Variants in ADRA1A observed in about 807,000 individuals in gnomAD.
ADRA1A encodes alpha-1A adrenergic receptor.
A neutral mutation model predicts 29.6 loss-of-function variants in ADRA1A; 31 were observed. The observed-to-expected ratio is 1.05, with a 90% CI of 0.79 to 1.41. The LOEUF (loss-of-function observed/expected upper bound fraction) is 1.41. Among genes scored for constraint, ADRA1A ranks in the 40% most tolerant of loss-of-function variants. The probability of loss-of-function intolerance (pLI) is 0.00; values close to 1 mark genes in which losing one functional copy is unlikely to be tolerated. For missense variants in ADRA1A, 619 were observed against 601.1 expected (o/e 1.03, Z -0.31); for synonymous variants, 311 against 254.3 (o/e 1.22, Z -2.12).
chr8:26,856,886 C>A (rs757062435), intron 2 of ADRA1A, among the ~76,000 whole-genome samples: 5 of 152,148 alleles, frequency 3.3e-5, no homozygotes, highest in Non-Finnish European at 5.9e-5. Context: ...TTGCATGAAG[C>A]CTGGCATATG....
downstream of ADRA1A, among the ~76,000 whole-genome samples, chr8:26,768,478 G>T (rs1215451458): frequency 6.6e-6 from 1 of 152,112 alleles, no homozygotes; most frequent in Non-Finnish European, 1.5e-5. Flanking sequence ...TCTATAGCTT[G>T]AGCAGCCCTA....
chr8:26,785,690 C>T (rs1308540032), intron 2 of ADRA1A, among the ~76,000 whole-genome samples: 2 of 152,128 alleles, frequency 1.3e-5, no homozygotes, highest in Middle Eastern at 3.2e-3. Flanking sequence ...TCAGTCCTTG[C>T]TTATTTCAGC....
chr8:26,791,122 T>C (rs1216534399), intron 2 of ADRA1A, among the ~76,000 whole-genome samples: 4 of 152,226 alleles, frequency 2.6e-5, no homozygotes, highest in Admixed American at 1.3e-4. Flanking sequence ...TTATGTAATA[T>C]GTCATGAACA....
At position 26,865,133 on chromosome 8, in the gene ADRA1A, C is replaced by A. The variant is rs905184964; in HGVS notation, c.-164G>T. 2.1e-6 allele frequency: 3 copies of A among 1,451,518 alleles called. No homozygotes were observed. The highest frequency in any genetic ancestry group is 2.8e-5 in the Admixed American group (1 of 35,900). 89.9% of individuals were successfully genotyped at this position (1,451,518 alleles called of 1,614,324 possible). ...AGCGCGCGCGCGGGTGGGAAACAAC[C>A]CTGGCCAGCCCTGGGAACCCTCAGA... On this transcript the variant is annotated 5_prime_UTR_variant, in exon 2 of 3. Coordinates refer to ENST00000380573, the MANE Select transcript of ADRA1A (RefSeq NM_000680.4). The surrounding 1 kb of genome is among the most constrained non-coding windows in gnomAD (Gnocchi z 7.6).
intron 2 of ADRA1A, among the ~76,000 whole-genome samples, chr8:26,785,162 C>T (rs146098043): frequency 6.6e-6 from 1 of 152,090 alleles, no homozygotes; most frequent in East Asian, 1.9e-4. Flanking sequence ...ATAAGGTGTA[C>T]ATTAGAAGCA....
chr8:26,769,830 A>G lies in ADRA1A; in HGVS notation c.*319T>C. ...ATTCATGATGAAATCATAATCCTATATTTATAGTCTTTTGGATTGTGCATG... is the reference window on the plus strand; with the variant it reads ...ATTCATGATGAAATCATAATCCTATGTTTATAGTCTTTTGGATTGTGCATG... On this transcript the variant is annotated 3_prime_UTR_variant, in exon 3 of 3. Transcript: ENST00000380573. 9.4e-7 allele frequency: 1 copy of G among 1,069,222 alleles called. No individual in the cohort carries two copies. The highest frequency in any genetic ancestry group is 1.1e-6 in the Non-Finnish European group (1 of 884,864). 66.2% of individuals were successfully genotyped at this position (1,069,222 alleles called of 1,614,324 possible).
Position 26,760,293 on chromosome 8 carries a change from C to T in ADRA1A, c.1270-3514G>A, listed in dbSNP as rs916521335. 5.3e-5 allele frequency among the ~76,000 whole-genome samples: 8 copies of T among 152,252 alleles called. No individual in the cohort carries two copies. The East Asian group carries it at 1.5e-3, about 29-fold the overall frequency. Reference sequence around the variant, plus strand: ...GTGTGCAGGCCAGGATGCCCTGAGACCAGGCAGAGTGGGTGGCAGGGCAGC... The same window carrying T: ...GTGTGCAGGCCAGGATGCCCTGAGATCAGGCAGAGTGGGTGGCAGGGCAGC... On this transcript the variant is annotated intron_variant, in intron 2 of 2. Transcript: ENST00000380582.
chr8:26,846,909 G>A (rs1409514475), intron 2 of ADRA1A, among the ~76,000 whole-genome samples: 2 of 152,230 alleles, frequency 1.3e-5, no homozygotes, highest in Admixed American at 1.3e-4. Flanking sequence ...ATGAGTTCAT[G>A]TCCTTTGTAG....
chr8:26,798,740 T>C (rs1808360521), intron 2 of ADRA1A, among the ~76,000 whole-genome samples: 1 of 152,164 alleles, frequency 6.6e-6, no homozygotes, highest in Admixed American at 6.5e-5. Context: ...TAGGTTACCA[T>C]TATTAAATAC....
intron 2 of ADRA1A, among the ~76,000 whole-genome samples, chr8:26,788,581 G>A (rs1194926925): frequency 6.6e-6 from 1 of 152,128 alleles, no homozygotes; most frequent in African/African-American, 2.4e-5. Flanking sequence ...GTCCAGCAAT[G>A]TGCTAAGTAC....
At chr8:26,822,816 G>A (rs975370081) in intron 2 of ADRA1A, among the ~76,000 whole-genome samples, 17 of 152,134 alleles carry the variant, frequency 1.1e-4, no homozygotes, top group South Asian at 4.1e-4. Flanking sequence ...ACTTACAATC[G>A]TGGTGGAAGG....
At chr8:26,782,074 C>G (rs915748482) in intron 2 of ADRA1A, among the ~76,000 whole-genome samples, 11 of 152,226 alleles carry the variant, frequency 7.2e-5, no homozygotes, top group African/African-American at 2.7e-4. Flanking sequence ...CTTGCATCTT[C>G]CAACAGCATC....
chr8:26,810,510 C>A (rs1392435015), intron 2 of ADRA1A, among the ~76,000 whole-genome samples: 1 of 152,172 alleles, frequency 6.6e-6, no homozygotes, highest in Non-Finnish European at 1.5e-5. Flanking sequence ...ACAGTATTTA[C>A]GGGATGACCT....
At chr8:26,789,783 T>C (rs1807680364) in intron 2 of ADRA1A, among the ~76,000 whole-genome samples, 1 of 152,026 alleles carries the variant, frequency 6.6e-6, no homozygotes, top group Admixed American at 6.6e-5. Flanking sequence ...AATGTGATAA[T>C]CCAATTAAAA....
In ADRA1A at chr8:26,815,744, G is replaced by T. The variant is rs1018751742; in HGVS notation, c.884-45078C>A. ...TAGAATGCAGCCAAAGCAATAATTGGAAATGTGCAGCCTCAAATATTTCTA... is the reference window on the plus strand; with the variant it reads ...TAGAATGCAGCCAAAGCAATAATTGTAAATGTGCAGCCTCAAATATTTCTA... On this transcript the variant is annotated intron_variant, in intron 2 of 2. Coordinates refer to ENST00000380573, the MANE Select transcript of ADRA1A (RefSeq NM_000680.4). The surrounding 1 kb of genome is among the most constrained non-coding windows in gnomAD (Gnocchi z 4.2). 1.3e-5 allele frequency among the ~76,000 whole-genome samples: 2 copies of T among 152,288 alleles called. No individual in the cohort carries two copies. The highest frequency in any genetic ancestry group is 3.9e-4 in the East Asian group (2 of 5,184).
rs986191041 is a variant in ADRA1A at position 26,864,267 on chromosome 8, G to A, written c.703C>T (p.Arg235Cys). Residue 235 changes from arginine to cysteine, a missense_variant, in exon 2 of 3, where the codon CGC becomes TGC. Coordinates refer to ENST00000380573, the MANE Select transcript of ADRA1A (RefSeq NM_000680.4). The surrounding 1 kb of genome is among the most constrained non-coding windows in gnomAD (Gnocchi z 8.1). Reference sequence around the variant, plus strand: ...GCCGGGGCGTTTTTCCGATGGATGCGGAGCGTCACTTGCTCCGAGTCCGAC... The same window carrying A: ...GCCGGGGCGTTTTTCCGATGGATGCAGAGCGTCACTTGCTCCGAGTCCGAC... ...DKSDSEQVTL[R>C]IHRKNAPAGG... The A allele has an allele frequency of 6.2e-7, 1 of 1,614,156 alleles. No homozygotes were observed. Among genetic ancestry groups the A allele is most frequent in the Non-Finnish European group, 8.5e-7 (1 of 1,180,034 alleles).
chr8:26,827,179 C>T (rs115481917), intron 2 of ADRA1A, among the ~76,000 whole-genome samples: 65 of 152,266 alleles, frequency 4.3e-4, no homozygotes, highest in African/African-American at 1.6e-3. Flanking sequence ...GACAATACAA[C>T]AATGATTCAT....
rs1220386811 is a variant in ADRA1A, at chr8:26,770,685, A to T, written c.884-19T>A. The T allele has an allele frequency of 1.2e-5, 19 of 1,570,184 alleles. No individual in the cohort carries two copies. Among genetic ancestry groups the T allele is most frequent in the Non-Finnish European group, 1.6e-5 (19 of 1,159,570 alleles). On this transcript the variant is annotated intron_variant, in intron 2 of 2. Coordinates refer to ENST00000380573, the MANE Select transcript of ADRA1A (RefSeq NM_000680.4). ...AAAGACCCTGGAAGAAAACACACAGATTTATACATATTATTTGAAAGCCAG... is the reference window on the plus strand; with the variant it reads ...AAAGACCCTGGAAGAAAACACACAGTTTTATACATATTATTTGAAAGCCAG...
At chr8:26,763,038 G>A (rs1033111513), downstream of ADRA1A, among the ~76,000 whole-genome samples, 4 of 152,042 alleles carry the variant, frequency 2.6e-5, no homozygotes, top group African/African-American at 7.2e-5. This position sits in a 1 kb window ranked among gnomAD's most constrained non-coding sequence, Gnocchi z 4.5. Flanking sequence ...AAAGGAAAAG[G>A]AAAAATAAGA....
Sources: allele counts gnomAD v4.1 joint callset (sites outside exome capture counted in the v4.1 genomes callset), GRCh38; gene constraint gnomAD v4.1.1; non-coding constraint Gnocchi (gnomAD v3.1); transcripts MANE v1.5; gene names NCBI Gene and HGNC (gene_info 2026-07-23, HGNC 2026-07-21).